Variants in TRIM2 observed in about 807,000 individuals in gnomAD.
TRIM2 encodes tripartite motif containing 2.
A neutral mutation model predicts 75.2 loss-of-function variants in TRIM2; 20 were observed. That is an observed-to-expected ratio of 0.27 (90% CI 0.19 to 0.39). The LOEUF is 0.39. Ranked by LOEUF, TRIM2 falls within the 10% of genes least tolerant of loss-of-function variation. The pLI, the probability that TRIM2 is intolerant of heterozygous loss-of-function variation, is 1.00. For synonymous variants in TRIM2, 373 were observed against 388.3 expected, an observed-to-expected ratio of 0.96 and a Z score of 0.46; for missense variants, 660 against 990.8, an observed-to-expected ratio of 0.67 and a Z score of 4.48.
chr4:153,214,688 A>G (rs1738008260), intron 1 of TRIM2, among the ~76,000 whole-genome samples: 1 of 152,158 alleles, frequency 6.6e-6, no homozygotes, highest in Admixed American at 6.5e-5. Flanking sequence ...TGTTTCTTGT[A>G]CTTTCCTGAT....
intron 1 of TRIM2, among the ~76,000 whole-genome samples, chr4:153,263,344 A>G (rs952861597): frequency 9.9e-5 from 15 of 152,148 alleles, no homozygotes; most frequent in Non-Finnish European, 2.9e-5. Context: ...GAAAAAAAAA[A>G]AGACTATCAC....
intron 8 of TRIM2, among the ~76,000 whole-genome samples, chr4:153,322,407 T>A (rs763211207): frequency 1.7e-4 from 26 of 152,096 alleles, no homozygotes; most frequent in Middle Eastern, 3.4e-3. Context: ...TGAGACTTCG[T>A]CTCAAAAATA....
At chr4:153,214,060 A>G (rs921119687) in intron 1 of TRIM2, among the ~76,000 whole-genome samples, 4 of 152,218 alleles carry the variant, frequency 2.6e-5, no homozygotes, top group Non-Finnish European at 5.9e-5. Context: ...GATAGTGTCT[A>G]GACAATATCT....
intron 6 of TRIM2, chr4:153,307,721 A>C (rs1765325354): frequency 1.7e-6 from 1 of 593,328 alleles, no homozygotes; most frequent in Admixed American, 2.2e-5. Flanking sequence ...AGCTGGAAGC[A>C]TGGGGAGCAC....
intron 1 of TRIM2, among the ~76,000 whole-genome samples, chr4:153,226,032 G>A (rs568507625): frequency 5.9e-5 from 9 of 152,150 alleles, no homozygotes; most frequent in South Asian, 2.1e-4. Flanking sequence ...CACCACACCC[G>A]ACTAATTTTT....
chr4:153,244,167 TCTTCTTCTTCTTCTCCTC>T (rs1233190486), intron 1 of TRIM2, among the ~76,000 whole-genome samples: 1 of 142,950 alleles, frequency 7.0e-6, no homozygotes, highest in African/African-American at 2.9e-5. Flanking sequence ...TTCTTCTTCT[TCTTCTTCTTCTTCTCCTC>T]CTTCTTCTTC....
intron 1 of TRIM2, among the ~76,000 whole-genome samples, chr4:153,222,027 A>AGGGAGGGAGCGAGAG (rs1740584563): frequency 2.9e-5 from 1 of 34,312 alleles, no homozygotes; most frequent in Non-Finnish European, 6.1e-5. Flanking sequence ...AAGAGCAAGG[A>AGGGAGGGAGCGAGAG]AGGAAGGAAA....
intron 1 of TRIM2, among the ~76,000 whole-genome samples, chr4:153,213,421 G>A (rs1157532748): frequency 2.0e-5 from 3 of 152,146 alleles, no homozygotes; most frequent in Non-Finnish European, 1.5e-5. Context: ...AGCTTATAAT[G>A]ATAGTTAACA....
At chr4:153,162,766 A>T (rs942022945) in intron 1 of TRIM2, among the ~76,000 whole-genome samples, 1 of 152,150 alleles carries the variant, frequency 6.6e-6, no homozygotes, top group Non-Finnish European at 1.5e-5. Context: ...GTTATACCAC[A>T]CCTCAGTAAT....
At chr4:153,299,955 C>T (rs1763519632) in intron 6 of TRIM2, among the ~76,000 whole-genome samples, 2 of 152,314 alleles carry the variant, frequency 1.3e-5, no homozygotes, top group Admixed American at 6.5e-5. Flanking sequence ...CCCTTCCCTC[C>T]CTTGTCCAGG....
intron 3 of TRIM2, among the ~76,000 whole-genome samples, chr4:153,291,038 A>G (rs998088617): frequency 6.6e-6 from 1 of 151,814 alleles, no homozygotes; most frequent in African/African-American, 2.4e-5. Flanking sequence ...ACAGCCTTAT[A>G]TGACAAAAAA....
chr4:153,200,251 T>C (rs1734200134), upstream of TRIM2, among the ~76,000 whole-genome samples: 2 of 152,142 alleles, frequency 1.3e-5, no homozygotes, highest in Admixed American at 1.3e-4. Flanking sequence ...TTTTTAAAAT[T>C]GTTTTAGAAA....
chr4:153,280,744 G>C (rs1759143934), intron 3 of TRIM2, among the ~76,000 whole-genome samples: 1 of 151,908 alleles, frequency 6.6e-6, no homozygotes, highest in African/African-American at 2.4e-5. Context: ...GAGTGCAGCG[G>C]CACGATCTTG....
intron 5 of TRIM2, among the ~76,000 whole-genome samples, 180 bp downstream of exon 5, chr4:153,294,665 C>G (rs750799683): frequency 6.6e-6 from 1 of 152,188 alleles, no homozygotes; most frequent in African/African-American, 2.4e-5. Context: ...TTCGATGACT[C>G]TGTGACTTTA....
intron 1 of TRIM2, among the ~76,000 whole-genome samples, chr4:153,228,483 TG>T (rs1742748379): frequency 6.6e-6 from 1 of 152,252 alleles, no homozygotes; most frequent in South Asian, 2.1e-4. Flanking sequence ...TGTTCGGATC[TG>T]GGTTGCTGCA....
intron 1 of TRIM2, among the ~76,000 whole-genome samples, chr4:153,159,502 C>T (rs1448593197): frequency 1.3e-5 from 2 of 151,808 alleles, no homozygotes; most frequent in South Asian, 4.2e-4. Flanking sequence ...GACAGGGTCT[C>T]GCCATATTGT....
chr4:153,185,435 G>C (rs950386919), intron 1 of TRIM2, among the ~76,000 whole-genome samples: 2 of 151,838 alleles, frequency 1.3e-5, no homozygotes, highest in African/African-American at 4.8e-5. Context: ...TAAAGCAGAG[G>C]CTTGATCATA....
chr4:153,300,711 G>T lies in TRIM2; in HGVS notation c.1510+4675G>T, dbSNP rs1262245712. On this transcript the variant is annotated intron_variant, in intron 6 of 11. Transcript: ENST00000338700. The stretch of plus-strand genomic sequence containing the variant: ...AGCTAATTTTTGTATTTTTAGTAGA[G>T]ACAGGGTTTCACCATGTTGGCCAGG... 2.0e-5 allele frequency among the ~76,000 whole-genome samples: 3 copies of T among 151,964 alleles called. No homozygotes were observed. In the East Asian group the frequency reaches 5.8e-4, roughly 29 times the overall value.
At chr4:153,300,788 G>A (rs1763729992) in intron 6 of TRIM2, among the ~76,000 whole-genome samples, 1 of 151,780 alleles carries the variant, frequency 6.6e-6, no homozygotes, top group Non-Finnish European at 1.5e-5. Context: ...CTCCCAAAGT[G>A]CTGAGATTAC....
Sources: gnomAD v4.1 joint callset for allele counts (sites outside exome capture counted in the v4.1 genomes callset) on GRCh38, gnomAD v4.1.1 for gene constraint, MANE v1.5 for transcripts, NCBI Gene and HGNC (gene_info 2026-07-23, HGNC 2026-07-21) for gene names.